Variants in INVS observed in about 807,000 individuals in gnomAD.
INVS encodes inversion of embryo turning homolog.
Under a neutral mutation model 108.8 loss-of-function variants are expected in INVS, and 86 were observed. The ratio of observed to expected loss-of-function variants is 0.79; its 90% CI spans 0.66 to 0.95. INVS has a LOEUF of 0.95. INVS is among the 40% of genes least tolerant of loss of function. The pLI, the probability that INVS is intolerant of heterozygous loss-of-function variation, is 0.00. For synonymous variants in INVS, 455 were observed against 473.5 expected (o/e 0.96, Z 0.51); for missense variants, 1,169 against 1,297.4 (o/e 0.90, Z 1.52).
At chr9:100,297,796 TAC>T in intron 15 of INVS, 138 bp from the exon 16 acceptor site, 1 of 816,542 alleles carries the variant, frequency 1.2e-6, no homozygotes. Flanking sequence ...ACCCTGGGCC[TAC>T]ATGTTTCCAC....
At chr9:100,127,049 A>C (rs925057549) in intron 3 of INVS, among the ~76,000 whole-genome samples, 1 of 152,114 alleles carries the variant, frequency 6.6e-6, no homozygotes, top group East Asian at 1.9e-4. Context: ...TTAAAAAATT[A>C]GCTGGGCATG....
chr9:100,117,510 G>C, intron 2 of INVS: 1 of 856,754 alleles, frequency 1.2e-6, no homozygotes, highest in East Asian at 2.5e-5. Flanking sequence ...CCCGGGCCCC[G>C]TCCACGGCCG....
chr9:100,226,293 T>C (rs1588103412), intron 4 of INVS, 58 bp downstream of exon 4: 2 of 1,480,968 alleles, frequency 1.4e-6, no homozygotes, highest in Non-Finnish European at 1.9e-6. Context: ...CTTCCTTTTA[T>C]GATGTGAAAT....
In INVS at chr9:100,301,139, T is replaced by TCACACA. The variant is rs10527613; in HGVS notation, c.*500_*505dup. On this transcript the variant is annotated 3_prime_UTR_variant, in exon 17 of 17. Transcript: ENST00000262457. Reference sequence around the variant, plus strand: ...CCTGGCATCTAATGCAACAAACTTATCACACACACACACACACACACACAC... The same window carrying TCACACA: ...CCTGGCATCTAATGCAACAAACTTATCACACACACACACACACACACACACACACAC... 0.011 allele frequency: 1,807 copies of TCACACA among 167,862 alleles called. 16 individuals carry two copies. Among genetic ancestry groups the TCACACA allele is most frequent in the Middle Eastern group, 0.015 (7 of 480 alleles). 10.4% of individuals were successfully genotyped at this position (167,862 alleles called of 1,614,324 possible).
intron 10 of INVS, among the ~76,000 whole-genome samples, chr9:100,263,029 C>T (rs865823419): frequency 9.2e-5 from 14 of 152,196 alleles, no homozygotes; most frequent in Admixed American, 2.0e-4. Context: ...GGATTACAGG[C>T]ATGAGCCACT....
Position 100,284,343 on chromosome 9 carries a change from GA to G in INVS, c.1812del (p.Glu605ArgfsTer62). 1 of 1,613,348 alleles carries G rather than the reference GA, an allele frequency of 6.2e-7. No homozygotes were observed. The highest frequency in any genetic ancestry group is 8.5e-7 in the Non-Finnish European group (1 of 1,180,032). Reference protein sequence around the residue: ...AAKKREEENKRKEAEQQKGRR... With the variant: ...AAKKREEENKXKEAEQQKGRR... ...AGAAAGCGAGAGGAAGAAAACAAAC[GA>G]AAAGAGGCAGAACAGCAAAAAGGAA... is the stretch of plus-strand genomic sequence containing the variant. On this transcript the variant is annotated frameshift_variant, in exon 13 of 17. Transcript: ENST00000262457. LOFTEE classifies it high-confidence loss of function.
At chr9:100,261,927 G>A (rs942528749) in intron 10 of INVS, among the ~76,000 whole-genome samples, 1 of 151,838 alleles carries the variant, frequency 6.6e-6, no homozygotes, top group African/African-American at 2.4e-5. Context: ...ATTCCCACTT[G>A]CCAAGAGTTT....
At chr9:100,246,163 G>A (rs10819749) in intron 7 of INVS, among the ~76,000 whole-genome samples, 25,827 of 147,306 alleles carry the variant, frequency 0.18, 3,414 homozygotes, top group African/African-American at 0.38. Context: ...AAAAAAAAAA[G>A]AAAAAGAAAA....
chr9:100,146,149 G>A (rs1828606059), intron 3 of INVS, among the ~76,000 whole-genome samples: 1 of 152,244 alleles, frequency 6.6e-6, no homozygotes, highest in Non-Finnish European at 1.5e-5. Context: ...CCAACAAGCA[G>A]GCTTTGTGTG....
Position 100,248,007 on chromosome 9 carries a change from G to A in INVS, c.1078+1220G>A, listed in dbSNP as rs143244271. 7.9e-3 allele frequency among the ~76,000 whole-genome samples: 1,202 copies of A among 151,802 alleles called. 20 individuals are homozygous for A. Among genetic ancestry groups the A allele is most frequent in the African/African-American group, 0.027 (1,135 of 41,380 alleles). ...TTTCTTTTTGTATTTTAGTAGAGGC[G>A]GGGTTTCACCATGTTGCCCAGGCTG... is the stretch of plus-strand genomic sequence containing the variant. On this transcript the variant is annotated intron_variant, in intron 8 of 16. Coordinates refer to ENST00000262457, the MANE Select transcript of INVS (RefSeq NM_014425.5).
In INVS at chr9:100,100,035, C is replaced by A. The variant is rs1314268532; in HGVS notation, c.-25+619C>A. ...AACCCTTTAGTCCTAATCAGAATTACTCTTCCTATGAGTGTGACTGCAGTA... is the reference window on the plus strand; with the variant it reads ...AACCCTTTAGTCCTAATCAGAATTAATCTTCCTATGAGTGTGACTGCAGTA... On this transcript the variant is annotated intron_variant, in intron 1 of 16. Coordinates refer to ENST00000262457, the MANE Select transcript of INVS (RefSeq NM_014425.5). 2.0e-5 allele frequency among the ~76,000 whole-genome samples: 3 copies of A among 152,174 alleles called. No homozygotes were observed. The East Asian group carries it at 5.8e-4, about 29-fold the overall frequency.
At chr9:100,224,940 C>G (rs962456932) in intron 3 of INVS, among the ~76,000 whole-genome samples, 5 of 151,892 alleles carry the variant, frequency 3.3e-5, no homozygotes, top group African/African-American at 1.2e-4. Flanking sequence ...TGGGTTGATT[C>G]TACCAGACTG....
chr9:100,206,138 A>C (rs183144854), intron 3 of INVS, among the ~76,000 whole-genome samples: 37 of 152,264 alleles, frequency 2.4e-4, no homozygotes, highest in Admixed American at 1.4e-3. Context: ...GAATACTGTG[A>C]ATATTAAGTA....
rs187292653 is a variant in INVS at position 100,133,065 on chromosome 9, A to G, written c.273+6516A>G. On this transcript the variant is annotated intron_variant, in intron 3 of 16. Coordinates refer to ENST00000262457, the MANE Select transcript of INVS (RefSeq NM_014425.5). Reference sequence around the variant, plus strand: ...AGTTGCAGTGAGCGGATATTGCACCACTGCACTCCAGCCTGGGCAACAGAG... The same window carrying G: ...AGTTGCAGTGAGCGGATATTGCACCGCTGCACTCCAGCCTGGGCAACAGAG... 1.8e-3 allele frequency among the ~76,000 whole-genome samples: 267 copies of G among 152,304 alleles called. 3 individuals are homozygous for G. The highest frequency in any genetic ancestry group is 0.015 in the Admixed American group (236 of 15,302).
intron 5 of INVS, among the ~76,000 whole-genome samples, chr9:100,236,655 C>G (rs938190761): frequency 1.6e-4 from 24 of 152,220 alleles, no homozygotes; most frequent in African/African-American, 5.8e-4. Flanking sequence ...AAGTCCACTT[C>G]AGACCCTGTT....
chr9:100,255,743 C>T (rs1005434191), intron 10 of INVS, among the ~76,000 whole-genome samples: 1 of 152,170 alleles, frequency 6.6e-6, no homozygotes, highest in Non-Finnish European at 1.5e-5. Context: ...TTGAACCAGC[C>T]TTGCATCCCA....
chr9:100,125,271 G>A (rs1055371352), intron 2 of INVS, among the ~76,000 whole-genome samples: 1 of 152,194 alleles, frequency 6.6e-6, no homozygotes, highest in Admixed American at 6.5e-5. Context: ...GGTCTCTATA[G>A]TGTCCAGTGG....
chr9:100,248,113 C>T (rs565219974), intron 8 of INVS, among the ~76,000 whole-genome samples: 8 of 152,130 alleles, frequency 5.3e-5, no homozygotes, highest in Non-Finnish European at 8.8e-5. Context: ...CCACCGTGCC[C>T]GGCCAGCAGA....
chr9:100,157,284 A>ATTTTTTTTTTTTT (rs1829024468), intron 3 of INVS, among the ~76,000 whole-genome samples: 2 of 94,398 alleles, frequency 2.1e-5, no homozygotes, highest in African/African-American at 9.8e-5. Context: ...TTTTTTTTTG[A>ATTTTTTTTTTTTT]GGCAGAGTCT....
Sources: allele counts gnomAD v4.1 joint callset (sites outside exome capture counted in the v4.1 genomes callset), GRCh38; gene constraint gnomAD v4.1.1; transcripts MANE v1.5; gene names NCBI Gene and HGNC (gene_info 2026-07-23, HGNC 2026-07-21).